MPRIP: variants seen among roughly 807,000 people sequenced by gnomAD.
MPRIP encodes myosin phosphatase Rho-interacting protein.
MPRIP carries 59 observed loss-of-function variants against 234.9 expected under a neutral mutation model. That is an observed-to-expected ratio of 0.25 (90% CI 0.20 to 0.31). The LOEUF (loss-of-function observed/expected upper bound fraction) is 0.31, where lower values mean the gene tolerates loss of function less well. Ranked by LOEUF, MPRIP falls within the 10% of genes least tolerant of loss-of-function variation. The pLI is 1.00. For synonymous variants in MPRIP, 1,144 were observed against 1,263.9 expected, an observed-to-expected ratio of 0.91 and a Z score of 2.01; for missense variants, 2,436 against 3,071.0, an observed-to-expected ratio of 0.79 and a Z score of 4.89.
chr17:17,104,275 G>A (rs2090020060), intron 3 of MPRIP, among the ~76,000 whole-genome samples: 1 of 152,192 alleles, frequency 6.6e-6, no homozygotes, highest in Admixed American at 6.5e-5. Flanking sequence ...CGCTCCTGAT[G>A]TGTGGACGTG....
chr17:17,138,218 G>C lies in MPRIP; in HGVS notation c.1039G>C (p.Gly347Arg), dbSNP rs2090745239. Residue 347 changes from glycine to arginine, a missense_variant, in exon 7 of 24, where the codon GGC becomes CGC. Physicochemically the swap from Gly to Arg is moderately radical, Grantham distance 125. Coordinates refer to ENST00000651222, the MANE Select transcript of MPRIP (RefSeq NM_001364716.4). The surrounding 1 kb of genome is among the most constrained non-coding windows in gnomAD (Gnocchi z 5.8). ...CCAGCCACCTGCCTACGTGGACTCT[G>C]GCAGCACTAGGGGGCGGGGGACAGA... The part of the protein sequence containing the change: ...ASQPPAYVDS[G>R]STRGRGTERL... 1.4e-6 allele frequency: 1 copy of C among 715,502 alleles called. No individual in the cohort carries two copies. Among genetic ancestry groups the C allele is most frequent in the South Asian group, 2.1e-5 (1 of 47,834 alleles). 44.3% of individuals were successfully genotyped at this position (715,502 alleles called of 1,614,324 possible).
At chr17:17,146,003 C>T (rs765257117) in intron 9 of MPRIP, 33 bp from the exon 10 acceptor site, 13 of 1,607,676 alleles carry the variant, frequency 8.1e-6, no homozygotes, top group African/African-American at 8.0e-5. Flanking sequence ...AGAAGAGTTT[C>T]CTCTGAGCTG....
chr17:17,137,843 TAA>T, intron 6 of MPRIP, 71 bp from the exon 7 acceptor site: 6 of 1,170,260 alleles, frequency 5.1e-6, no homozygotes, highest in South Asian at 1.8e-5. Context: ...ACATGGGCTT[TAA>T]AAAAAAAAGT....
chr17:17,129,321 C>T (rs1244214138), intron 4 of MPRIP, among the ~76,000 whole-genome samples: 1 of 152,176 alleles, frequency 6.6e-6, no homozygotes, highest in Non-Finnish European at 1.5e-5. Flanking sequence ...CGGGCTCTGC[C>T]GTCCCTATCC....
Position 17,148,894 on chromosome 17 carries a change from G to C in MPRIP, c.1630-1250G>C, listed in dbSNP as rs557022894. 2.0e-5 allele frequency among the ~76,000 whole-genome samples: 3 copies of C among 152,318 alleles called. No individual in the cohort carries two copies. In the East Asian group the frequency reaches 5.8e-4, roughly 29 times the overall value. ...AGCTTCCAAGCAAAAATTAGAACTT[G>C]GGAAAATTTGTATTCACCATCATGA... On this transcript the variant is annotated intron_variant, in intron 11 of 23. Transcript: ENST00000651222.
At position 17,168,794 on chromosome 17, in the gene MPRIP, C is replaced by T. The variant is rs548288674; in HGVS notation, c.6324+879C>T. 7 of 451,262 alleles carry T rather than the reference C, an allele frequency of 1.6e-5. No individual in the cohort carries two copies. In the East Asian group the frequency reaches 4.9e-4, roughly 32 times the overall value. The allele number at this position is 451,262 out of a possible 1,614,324, so 28.0% of individuals were successfully genotyped here. On this transcript the variant is annotated intron_variant, in intron 16 of 23. Transcript: ENST00000651222. The stretch of plus-strand genomic sequence containing the variant: ...TAGGATGACTAGGCCCCTCAAAAGC[C>T]ATGTTCAGGTGGTGCCTTCCACGCT...
At chr17:17,140,896 G>A (rs9910857) in intron 7 of MPRIP, among the ~76,000 whole-genome samples, 91,606 of 151,976 alleles carry the variant, frequency 0.6, 28,421 homozygotes, top group East Asian at 0.68. Context: ...GCTGCAGGGT[G>A]CAGGCCCCGT....
At chr17:17,114,037 C>A (rs2090230753) in intron 3 of MPRIP, among the ~76,000 whole-genome samples, 1 of 151,902 alleles carries the variant, frequency 6.6e-6, no homozygotes, top group Non-Finnish European at 1.5e-5. Flanking sequence ...TAAGAGTACA[C>A]CACCACATCT....
At chr17:17,153,498 A>G (rs928173377) in intron 12 of MPRIP, among the ~76,000 whole-genome samples, 2 of 151,696 alleles carry the variant, frequency 1.3e-5, no homozygotes, top group East Asian at 3.9e-4. Flanking sequence ...CGCAGTGGTC[A>G]TGTCCCAGAG....
intron 9 of MPRIP, 93 bp from the exon 10 acceptor site, chr17:17,145,943 C>G: frequency 8.1e-7 from 1 of 1,230,512 alleles, no homozygotes; most frequent in Non-Finnish European, 1.2e-6. Context: ...TTTCCTGGTA[C>G]CCGCCTCATC....
Position 17,131,978 on chromosome 17 carries a change from C to A in MPRIP, c.504+277C>A, listed in dbSNP as rs149733517. 1.9e-4 allele frequency among the ~76,000 whole-genome samples: 29 copies of A among 152,312 alleles called. No individual in the cohort carries two copies. The East Asian group carries it at 4.6e-3, about 24-fold the overall frequency. On this transcript the variant is annotated intron_variant, in intron 5 of 23. Transcript: ENST00000651222. ...TACACAGCTGTGACCCCTCCCCTCG[C>A]TATCCTGCTGGCAGCTGGGGAGGGG...
At chr17:17,068,214 G>A (rs1038303712) in intron 1 of MPRIP, among the ~76,000 whole-genome samples, 11 of 151,928 alleles carry the variant, frequency 7.2e-5, no homozygotes, top group African/African-American at 2.4e-4. Flanking sequence ...GCAGTGGAGC[G>A]ATCTCGGCTC....
Position 17,166,891 on chromosome 17 carries a change from T to G in MPRIP, c.5300T>G (p.Val1767Gly), listed in dbSNP as rs775491852. Residue 1767 changes from valine (V) to glycine (G), a missense_variant, in exon 16 of 24, where the codon GTG becomes GGG. Around this residue, in one of 4 missense-constraint regions of MPRIP, gnomAD observed 1,998 missense variants for 2,520.3 expected, o/e 0.79. Coordinates refer to ENST00000651222, the MANE Select transcript of MPRIP (RefSeq NM_001364716.4). This position sits in a 1 kb window ranked among gnomAD's most constrained non-coding sequence, Gnocchi z 4.4. ...DSDSSQEPFD[V>G]SDQSPGAFVA... ...GACAGCTCTCAGGAGCCCTTCGATG[T>G]GTCTGACCAGAGCCCTGGGGCCTTT... is the stretch of plus-strand genomic sequence containing the variant. 4 of 1,304,200 alleles carry G rather than the reference T, an allele frequency of 3.1e-6. No individual in the cohort carries two copies. In the South Asian group the frequency reaches 4.9e-5, roughly 16 times the overall value. The allele number at this position is 1,304,200 out of a possible 1,614,324, so 80.8% of individuals were successfully genotyped here.
intron 14 of MPRIP, among the ~76,000 whole-genome samples, chr17:17,160,199 C>G (rs2045832516): frequency 1.3e-5 from 2 of 152,152 alleles, no homozygotes; most frequent in South Asian, 2.1e-4. Context: ...AACCCCGTCT[C>G]TACTAAAAAT....
chr17:17,095,997 C>CCCG (rs1168322473), intron 3 of MPRIP, among the ~76,000 whole-genome samples: 8 of 152,010 alleles, frequency 5.3e-5, no homozygotes, highest in Non-Finnish European at 1.0e-4. Context: ...TTTATACCTC[C>CCCG]CCCCCACACA....
intron 4 of MPRIP, 37 bp from the exon 5 acceptor site, chr17:17,131,580 G>T (rs752771763): frequency 6.3e-7 from 1 of 1,590,164 alleles, no homozygotes; most frequent in East Asian, 2.2e-5. Flanking sequence ...CGAGTGCCAG[G>T]GTCTTACCTG....
chr17:17,173,682 C>T, intron 18 of MPRIP: 1 of 669,482 alleles, frequency 1.5e-6, no homozygotes, highest in Non-Finnish European at 2.7e-6. Flanking sequence ...TCCTGACTGG[C>T]ATCCCCAGAG....
intron 1 of MPRIP, among the ~76,000 whole-genome samples, chr17:17,068,440 G>A (rs746386022): frequency 1.2e-4 from 18 of 151,982 alleles, no homozygotes; most frequent in Non-Finnish European, 1.8e-4. Context: ...ATGAACCACC[G>A]CGCCTGGCTG....
chr17:17,091,624 C>T (rs1167166177), intron 3 of MPRIP, among the ~76,000 whole-genome samples: 1 of 152,232 alleles, frequency 6.6e-6, no homozygotes, highest in Non-Finnish European at 1.5e-5. Context: ...GACCCTTTTC[C>T]AGTGCCCTTT....
Sources: allele counts gnomAD v4.1 joint callset (sites outside exome capture counted in the v4.1 genomes callset), GRCh38; gene constraint gnomAD v4.1.1; regional missense constraint gnomAD v4.1.1; non-coding constraint Gnocchi (gnomAD v3.1); transcripts MANE v1.5; gene names NCBI Gene and HGNC (gene_info 2026-07-23, HGNC 2026-07-21).